The following ATAD2B variants were observed in gnomAD, a reference collection of about 807,000 sequenced individuals.
ATAD2B encodes ATPase family AAA domain-containing protein 2B.
A neutral mutation model predicts 167.6 loss-of-function variants in ATAD2B; 40 were observed. That is an observed-to-expected ratio of 0.24 (90% CI 0.19 to 0.31). The LOEUF is 0.31. Ranked by LOEUF, ATAD2B falls within the 10% of genes least tolerant of loss-of-function variation. ATAD2B has a pLI of 1.00. For synonymous variants in ATAD2B, 579 were observed against 596.5 expected (o/e 0.97, Z 0.43); for missense variants, 1,242 against 1,757.2 (o/e 0.71, Z 5.24).
intron 17 of ATAD2B, among the ~76,000 whole-genome samples, chr2:23,813,873 T>C (rs974280050): frequency 6.6e-6 from 1 of 152,222 alleles, no homozygotes; most frequent in East Asian, 1.9e-4. Flanking sequence ...AAGATTCATT[T>C]ATTTTTAATT....
chr2:23,695,612 G>C, the ATAD2B span: 144 of 1,542,868 alleles, frequency 9.3e-5, no homozygotes, highest in South Asian at 9.4e-4. This position sits in a 1 kb window ranked among gnomAD's most constrained non-coding sequence, Gnocchi z 7.6. Flanking sequence ...TCTGTCTCCT[G>C]TACCCTGCAG....
the ATAD2B span, among the ~76,000 whole-genome samples, chr2:23,712,920 G>A: frequency 6.6e-6 from 1 of 152,168 alleles, no homozygotes; most frequent in African/African-American, 2.4e-5. Context: ...GCTCATACTA[G>A]GTCGGTAAGA....
At chr2:23,777,047 C>T (rs1448841608) in intron 22 of ATAD2B, among the ~76,000 whole-genome samples, 1 of 152,036 alleles carries the variant, frequency 6.6e-6, no homozygotes, top group African/African-American at 2.4e-5. Context: ...GACTGATGTC[C>T]TTACAAGGAG....
chr2:23,741,612 C>T, the ATAD2B span, among the ~76,000 whole-genome samples: 1 of 152,086 alleles, frequency 6.6e-6, no homozygotes, highest in African/African-American at 2.4e-5. Context: ...AGAAGAAAAC[C>T]TAGGCAATAC....
At chr2:23,701,547 TACG>T in the ATAD2B span, among the ~76,000 whole-genome samples, 1 of 152,152 alleles carries the variant, frequency 6.6e-6, no homozygotes, top group African/African-American at 2.4e-5. Context: ...ACCTCATCTC[TACG>T]ACAAATCAAA....
chr2:23,850,431 G>A (rs1015825599), intron 13 of ATAD2B, among the ~76,000 whole-genome samples: 1 of 152,082 alleles, frequency 6.6e-6, no homozygotes, highest in African/African-American at 2.4e-5. Flanking sequence ...TAGAAAAAAA[G>A]AAAAGTTTCA....
intron 22 of ATAD2B, among the ~76,000 whole-genome samples, chr2:23,768,841 C>T (rs892277656): frequency 2.6e-5 from 4 of 152,112 alleles, no homozygotes; most frequent in East Asian, 3.8e-4. Flanking sequence ...ATCTGTACTT[C>T]GTTATTTGTT....
At chr2:23,746,399 C>T (rs546783528), downstream of ATAD2B, among the ~76,000 whole-genome samples, 2 of 152,262 alleles carry the variant, frequency 1.3e-5, no homozygotes, top group African/African-American at 2.4e-5. Context: ...GCATTTGTGT[C>T]TGTATAGCAC....
At chr2:23,761,700 A>C (rs1676763741) in intron 24 of ATAD2B, among the ~76,000 whole-genome samples, 1 of 152,164 alleles carries the variant, frequency 6.6e-6, no homozygotes, top group South Asian at 2.1e-4. Context: ...GTACAAAAAA[A>C]CTCCCAATTT....
chr2:23,868,968 C>T (rs564761525), intron 9 of ATAD2B, among the ~76,000 whole-genome samples: 6 of 152,212 alleles, frequency 3.9e-5, no homozygotes, highest in South Asian at 2.1e-4. Flanking sequence ...GCATTAAACG[C>T]TTTTATTTAA....
intron 15 of ATAD2B, among the ~76,000 whole-genome samples, chr2:23,828,072 G>GTT (rs564313058): frequency 2.8e-5 from 4 of 144,556 alleles, no homozygotes; most frequent in Non-Finnish European, 3.0e-5. Flanking sequence ...TGAAGATTGG[G>GTT]TTTTTTTTTT....
intron 8 of ATAD2B, among the ~76,000 whole-genome samples, chr2:23,874,685 C>A (rs1318752032): frequency 1.3e-5 from 2 of 150,834 alleles, no homozygotes; most frequent in South Asian, 2.1e-4. Flanking sequence ...CAGAGCAAGA[C>A]CCTGTCTCAA....
chr2:23,703,432 CTGA>C, the ATAD2B span: 8 of 1,374,530 alleles, frequency 5.8e-6, no homozygotes, highest in Non-Finnish European at 7.7e-6. Flanking sequence ...CCCTGCCTTG[CTGA>C]TTTGTTCAGT....
At chr2:23,870,144 T>C (rs1224414936) in intron 8 of ATAD2B, among the ~76,000 whole-genome samples, 1 of 149,972 alleles carries the variant, frequency 6.7e-6, no homozygotes, top group Non-Finnish European at 1.5e-5. Flanking sequence ...GAGGCGGAGG[T>C]TGCAGTGAGC....
the ATAD2B span, chr2:23,691,590 G>A: frequency 2.6e-6 from 3 of 1,154,072 alleles, no homozygotes; most frequent in Admixed American, 2.0e-5. Context: ...CATGACCAAG[G>A]TGTGCAGGGA....
chr2:23,744,591 G>A (rs867587357), downstream of ATAD2B, among the ~76,000 whole-genome samples: 45 of 152,158 alleles, frequency 3.0e-4, no homozygotes, highest in African/African-American at 9.7e-4. Context: ...CCACCATGGG[G>A]TTGGTGCTAT....
intron 14 of ATAD2B, among the ~76,000 whole-genome samples, chr2:23,831,290 ATT>A (rs1488202617): frequency 6.6e-6 from 1 of 152,228 alleles, no homozygotes; most frequent in Non-Finnish European, 1.5e-5. Flanking sequence ...AATAAAAGAA[ATT>A]AAAAAGCATT....
Position 23,762,333 on chromosome 2 carries a change from T to C in ATAD2B, c.3270A>G (p.Thr1090=), listed in dbSNP as rs1050384447. Residue 1090 remains threonine, a synonymous_variant, in exon 24 of 28, where the codon ACA becomes ACG. Coordinates refer to ENST00000238789, the MANE Select transcript of ATAD2B (RefSeq NM_017552.4). ...TACTATGAGGATTTATTTGTTCTGA[T>C]GTTACTGATAAGCCTGCAAGCAGAA... ...EARIKRGLSV[T]SEQINPHSTG... is the part of the protein sequence containing the mutation. The C allele has an allele frequency of 1.9e-6, 3 of 1,613,168 alleles. No homozygotes were observed. Among genetic ancestry groups the C allele is most frequent in the Non-Finnish European group, 2.5e-6 (3 of 1,179,588 alleles).
intron 13 of ATAD2B, among the ~76,000 whole-genome samples, chr2:23,838,512 T>C (rs571270186): frequency 1.3e-5 from 2 of 152,298 alleles, no homozygotes; most frequent in South Asian, 2.1e-4. Context: ...TCCTATTATG[T>C]AGGGAAATTA....
Sources: gnomAD v4.1 joint callset for allele counts (sites outside exome capture counted in the v4.1 genomes callset) on GRCh38, gnomAD v4.1.1 for gene constraint, Gnocchi (gnomAD v3.1) non-coding constraint, MANE v1.5 for transcripts, NCBI Gene and HGNC (gene_info 2026-07-23, HGNC 2026-07-21) for gene names.